The following AP1S2 variants were observed in gnomAD, a reference collection of about 807,000 sequenced individuals.
AP1S2 encodes the protein AP-1 complex subunit sigma-2.
In AP1S2, 1 loss-of-function variant was observed where a neutral mutation model predicts 14.3. The ratio of observed to expected loss-of-function variants is 0.07; its 90% CI spans 0.02 to 0.33. The LOEUF (loss-of-function observed/expected upper bound fraction) is 0.33, where lower values mean the gene tolerates loss of function less well. Among genes scored for constraint, AP1S2 ranks in the 10% least tolerant of loss-of-function variants. AP1S2 has a pLI of 0.99. For missense variants in AP1S2, 30 were observed against 117.7 expected (o/e 0.25, Z 3.45); for synonymous variants, 30 against 40.5 (o/e 0.74, Z 0.99).
intron 4 of AP1S2, among the ~76,000 whole-genome samples, chrX:15,839,393 T>C (rs1192864127): frequency 8.9e-6 from 1 of 111,954 alleles, no homozygotes; most frequent in Non-Finnish European, 1.9e-5. Context: ...AAGCATCTCT[T>C]TTTTTAAAAC....
intron 2 of AP1S2, among the ~76,000 whole-genome samples, chrX:15,851,570 A>G (rs2147326997): frequency 8.9e-6 from 1 of 112,709 alleles, no homozygotes; most frequent in South Asian, 3.6e-4. Flanking sequence ...GTTCTGTAAA[A>G]GAAGAAAGTT....
chrX:15,829,836 A>AGTT (rs919199766), intron 4 of AP1S2, among the ~76,000 whole-genome samples: 4 of 111,346 alleles, frequency 3.6e-5, no homozygotes, highest in African/African-American at 1.3e-4. Flanking sequence ...ATGGGTATAG[A>AGTT]GTTTCAGTTC....
intron 2 of AP1S2, among the ~76,000 whole-genome samples, chrX:15,850,600 G>A (rs1248844276): frequency 9.3e-6 from 1 of 108,043 alleles, no homozygotes; most frequent in Non-Finnish European, 1.9e-5. Context: ...GGGCTCAAGC[G>A]ATTCTCCTGC....
chrX:15,846,320 A>G (rs184490682), intron 2 of AP1S2, among the ~76,000 whole-genome samples: 91 of 112,230 alleles, frequency 8.1e-4, no homozygotes, highest in African/African-American at 2.9e-3. Flanking sequence ...TCCTAAGTTT[A>G]CTTAATTAAA....
chrX:15,840,721 C>G lies in AP1S2; in HGVS notation c.426+4658G>C. ...ATCCAACTACATCACCACCCCCCAC[C>G]ATATCCCTCCAAAAATCTAGCTTAA... On this transcript the variant is annotated intron_variant, in intron 4 of 5. Coordinates refer to ENST00000672987, the MANE Select transcript of AP1S2 (RefSeq NM_001272071.2). 1.1e-5 allele frequency: 3 copies of G among 282,596 alleles called. No homozygotes were observed. The South Asian group carries it at 1.4e-4, about 13-fold the overall frequency. 23.3% of individuals were successfully genotyped at this position (282,596 alleles called of 1,213,427 possible). A position where few individuals can be genotyped will look rare whatever the true frequency, so the allele number is the denominator to read the frequency against.
Position 15,845,490 on chromosome X carries a change from A to G in AP1S2, c.315T>C (p.Asn105=). The part of the protein sequence containing the change: ...GSVCELDIIF[N]FEKAYFILDE... The stretch of plus-strand genomic sequence containing the variant: ...CCAAAATAAAATAAGCCTTCTCAAA[A>G]TTAAAGATGATATCTAGTTCACAGA... The change falls in exon 4 of 6, where the codon AAT becomes AAC. Residue 105 remains asparagine, a synonymous_variant. Transcript: ENST00000672987. 1 of 1,210,519 alleles carries G rather than the reference A, an allele frequency of 8.3e-7. No individual in the cohort carries two copies. The highest frequency in any genetic ancestry group is 1.1e-6 in the Non-Finnish European group (1 of 894,903).
chrX:15,836,017 A>AT (rs758784348), intron 4 of AP1S2, among the ~76,000 whole-genome samples: 1 of 111,018 alleles, frequency 9.0e-6, no homozygotes, highest in Non-Finnish European at 1.9e-5. Context: ...GTATCCTTCC[A>AT]TATCATTACA....
intron 4 of AP1S2, among the ~76,000 whole-genome samples, chrX:15,840,163 A>G: frequency 8.9e-6 from 1 of 112,363 alleles, no homozygotes; most frequent in East Asian, 2.8e-4. Flanking sequence ...CAAATTCATG[A>G]GTATTATGCT....
chrX:15,846,964 T>C (rs761386546), intron 2 of AP1S2, among the ~76,000 whole-genome samples: 12 of 112,012 alleles, frequency 1.1e-4, no homozygotes, highest in African/African-American at 3.9e-4. Flanking sequence ...TGAGGAGGAT[T>C]AAAAGGGCAT....
chrX:15,833,445 A>G (rs1601843551), intron 4 of AP1S2: 1 of 887,512 alleles, frequency 1.1e-6, no homozygotes, highest in Non-Finnish European at 1.4e-6. Context: ...AGAAATTACC[A>G]TCTATTAAAT....
At chrX:15,852,962 G>T in intron 1 of AP1S2, 1 of 483,214 alleles carries the variant, frequency 2.1e-6, no homozygotes, top group Non-Finnish European at 2.6e-6. Context: ...TCCTGAGGCC[G>T]TTCTAGTTCC....
intron 2 of AP1S2, among the ~76,000 whole-genome samples, chrX:15,848,859 T>C (rs930632353): frequency 8.9e-6 from 1 of 112,426 alleles, no homozygotes; most frequent in African/African-American, 3.2e-5. Flanking sequence ...TGTGGGTGAA[T>C]GTAGCTGAAG....
intron 4 of AP1S2, chrX:15,830,162 T>C (rs971102294): frequency 1.3e-6 from 1 of 749,148 alleles, no homozygotes; most frequent in Non-Finnish European, 1.6e-6. Context: ...CAACATTTTG[T>C]TACAGCTTAG....
chrX:15,827,865 G>C (rs986790725), intron 5 of AP1S2, among the ~76,000 whole-genome samples: 3 of 111,240 alleles, frequency 2.7e-5, no homozygotes, highest in African/African-American at 9.8e-5. Flanking sequence ...TTCAGAAACA[G>C]CTATCTTCCC....
intron 4 of AP1S2, among the ~76,000 whole-genome samples, chrX:15,835,164 T>A (rs1003310036): frequency 8.9e-6 from 1 of 112,512 alleles, no homozygotes; most frequent in Non-Finnish European, 1.9e-5. Flanking sequence ...AACTCCTGAT[T>A]CTCTTTCTAG....
intron 2 of AP1S2, among the ~76,000 whole-genome samples, chrX:15,848,119 C>T (rs1451295049): frequency 1.8e-5 from 2 of 111,326 alleles, no homozygotes; most frequent in Admixed American, 1.9e-4. Context: ...TACTTTCACT[C>T]GGAATGGAAA....
chrX:15,843,942 G>A (rs1180678888), intron 4 of AP1S2, among the ~76,000 whole-genome samples: 2 of 112,172 alleles, frequency 1.8e-5, no homozygotes, highest in East Asian at 2.8e-4. Flanking sequence ...GTAAACCACT[G>A]TGGCAAACTG....
Position 15,834,473 on chromosome X carries a change from TATATATAA to T in AP1S2, c.427-6281_427-6274del, listed in dbSNP as rs1289136844. ...ATATATATATATATATATATATATA[TATATATAA>T]TTTTTTTTTTTTGAGACAGAGTCTT... On this transcript the variant is annotated intron_variant, in intron 4 of 5. Transcript: ENST00000672987. 4.2e-3 allele frequency among the ~76,000 whole-genome samples: 136 copies of T among 32,369 alleles called. 6 individuals are homozygous for T. The highest frequency in any genetic ancestry group is 0.027 in the Middle Eastern group (2 of 73). 28.1% of individuals were successfully genotyped at this position (32,369 alleles called of 115,157 possible).
chrX:15,836,832 C>T (rs1933657104), intron 4 of AP1S2, among the ~76,000 whole-genome samples: 1 of 111,971 alleles, frequency 8.9e-6, no homozygotes, highest in Admixed American at 9.5e-5. Flanking sequence ...TGCAAGTGAG[C>T]CATGGTGGTG....
Sources: allele counts gnomAD v4.1 joint callset (sites outside exome capture counted in the v4.1 genomes callset), GRCh38; gene constraint gnomAD v4.1.1; transcripts MANE v1.5; gene names NCBI Gene and HGNC (gene_info 2026-07-23, HGNC 2026-07-21).